KCNIP4: variants seen among roughly 807,000 people sequenced by gnomAD.
The protein encoded by KCNIP4 is potassium voltage-gated channel interacting protein 4, also known as Kv channel-interacting protein 4.
KCNIP4 carries 12 observed loss-of-function variants against 34.0 expected under a neutral mutation model. That is an observed-to-expected ratio of 0.35 (90% CI 0.23 to 0.57). KCNIP4 has a LOEUF of 0.57. KCNIP4 is among the 20% of genes least tolerant of loss of function. KCNIP4 has a pLI of 0.83. For synonymous variants in KCNIP4, 124 were observed against 102.2 expected, an observed-to-expected ratio of 1.21 and a Z score of -1.29; for missense variants, 238 against 311.7, an observed-to-expected ratio of 0.76 and a Z score of 1.78.
At chr4:21,177,161 C>T (rs1042436481) in intron 1 of KCNIP4, among the ~76,000 whole-genome samples, 5 of 152,148 alleles carry the variant, frequency 3.3e-5, no homozygotes, top group South Asian at 2.1e-4. Context: ...ATTCAAATCC[C>T]TGCATTGTGT....
At chr4:20,895,544 T>A (rs1577329808) in intron 1 of KCNIP4, among the ~76,000 whole-genome samples, 1 of 152,236 alleles carries the variant, frequency 6.6e-6, no homozygotes, top group Non-Finnish European at 1.5e-5. Flanking sequence ...TAATTTTTGA[T>A]GTGAGACAGT....
chr4:21,829,945 A>C (rs1050676379), intron 1 of KCNIP4, among the ~76,000 whole-genome samples: 2 of 152,180 alleles, frequency 1.3e-5, no homozygotes, highest in African/African-American at 4.8e-5. Flanking sequence ...AAAGATCTAT[A>C]AAACAACCAG....
In KCNIP4 at chr4:21,190,532, G is replaced by T. The variant is rs1004904924; in HGVS notation, c.62-307823C>A. ...GGGGGGGGGCACTGAGGGTGGGAGG[G>T]CAACTCCTATGTACCAGACATGGAA... On this transcript the variant is annotated intron_variant, in intron 1 of 8. Coordinates refer to ENST00000382152, the MANE Select transcript of KCNIP4 (RefSeq NM_025221.6). Among the ~76,000 whole-genome samples, 4 of 151,452 alleles carry T rather than the reference G, an allele frequency of 2.6e-5. No homozygotes were observed. In the East Asian group the frequency reaches 7.8e-4, roughly 30 times the overall value.
chr4:21,675,761 G>A (rs1749842820), intron 1 of KCNIP4, among the ~76,000 whole-genome samples: 1 of 152,108 alleles, frequency 6.6e-6, no homozygotes, highest in Admixed American at 6.6e-5. Flanking sequence ...GTAGTAACTT[G>A]AGGATGTCCA....
chr4:21,452,998 C>A (rs570073681), intron 1 of KCNIP4, among the ~76,000 whole-genome samples: 1 of 152,108 alleles, frequency 6.6e-6, no homozygotes, highest in Non-Finnish European at 1.5e-5. Flanking sequence ...AGTCTTGTGG[C>A]AACCCATAGT....
At chr4:20,802,801 C>T (rs901843688) in intron 3 of KCNIP4, among the ~76,000 whole-genome samples, 5 of 152,122 alleles carry the variant, frequency 3.3e-5, no homozygotes, top group Admixed American at 6.5e-5. Flanking sequence ...TGAAGCCGAG[C>T]GTGGTGGCTC....
At chr4:21,742,891 A>C (rs1716513036) in intron 1 of KCNIP4, among the ~76,000 whole-genome samples, 1 of 152,150 alleles carries the variant, frequency 6.6e-6, no homozygotes, top group African/African-American at 2.4e-5. Context: ...ATCTCGGGGT[A>C]GTGGGATAGA....
intron 1 of KCNIP4, chr4:21,843,675 T>C (rs1723830670): frequency 6.6e-6 from 1 of 152,052 alleles, no homozygotes; most frequent in Non-Finnish European, 1.5e-5. Context: ...ATTTTTCCAA[T>C]CACACTCCAT....
At chr4:20,748,025 A>G (rs996187897) in intron 5 of KCNIP4, among the ~76,000 whole-genome samples, 1 of 152,122 alleles carries the variant, frequency 6.6e-6, no homozygotes, top group African/African-American at 2.4e-5. Flanking sequence ...ACTGGAGTTC[A>G]GGCTTTTATC....
chr4:21,237,022 G>T (rs988135349), intron 1 of KCNIP4, among the ~76,000 whole-genome samples: 5 of 146,876 alleles, frequency 3.4e-5, no homozygotes, highest in Admixed American at 3.4e-4. Flanking sequence ...AAAAAAAAAA[G>T]ATATACATTC....
At chr4:20,749,238 C>A (rs1229320985) in intron 5 of KCNIP4, among the ~76,000 whole-genome samples, 1 of 151,852 alleles carries the variant, frequency 6.6e-6, no homozygotes, top group Non-Finnish European at 1.5e-5. Context: ...AATTGTCAGG[C>A]TGGTGAATGT....
At chr4:20,892,804 G>C (rs35724565) in intron 1 of KCNIP4, among the ~76,000 whole-genome samples, 2,224 of 152,294 alleles carry the variant, frequency 0.015, 27 homozygotes, top group South Asian at 0.021. Context: ...TGTACTGGCA[G>C]AACTAGCCAG....
chr4:21,766,469 C>T (rs528070988), intron 1 of KCNIP4, among the ~76,000 whole-genome samples: 2 of 152,252 alleles, frequency 1.3e-5, no homozygotes, highest in South Asian at 2.1e-4. Flanking sequence ...TTCCCCTTGC[C>T]TCCCCACAGT....
chr4:21,743,334 A>C (rs1560680988), intron 1 of KCNIP4, among the ~76,000 whole-genome samples: 2 of 151,592 alleles, frequency 1.3e-5, no homozygotes, highest in African/African-American at 4.8e-5. Flanking sequence ...GCCCCTGTTC[A>C]TCCTCAAAAC....
intron 1 of KCNIP4, among the ~76,000 whole-genome samples, chr4:20,897,082 G>A (rs1726624688): frequency 6.6e-6 from 1 of 152,074 alleles, no homozygotes; most frequent in African/African-American, 2.4e-5. Context: ...TTGAGGCTGA[G>A]CATTCACAAA....
chr4:21,512,164 GGGAGGGAGGAAGGAAGGAACGAAC>G (rs141006136), intron 1 of KCNIP4, among the ~76,000 whole-genome samples: 246 of 129,706 alleles, frequency 1.9e-3, no homozygotes, highest in South Asian at 5.2e-3. Flanking sequence ...GAGGGAGGGA[GGGAGGGAGGAAGGAAGGAACGAAC>G]GAAGGAACGA....
chr4:21,665,434 T>C (rs1748777350), intron 1 of KCNIP4, among the ~76,000 whole-genome samples: 1 of 152,006 alleles, frequency 6.6e-6, no homozygotes, highest in African/African-American at 2.4e-5. Context: ...AACCTAACTT[T>C]AAAAAGTAAT....
intron 1 of KCNIP4, among the ~76,000 whole-genome samples, chr4:21,898,076 G>A (rs915042632): frequency 4.6e-5 from 7 of 152,178 alleles, no homozygotes; most frequent in African/African-American, 7.2e-5. Context: ...GATGGAGGGA[G>A]CATCTAGACA....
chr4:21,032,950 A>G (rs1741143340), intron 1 of KCNIP4, among the ~76,000 whole-genome samples: 1 of 152,126 alleles, frequency 6.6e-6, no homozygotes, highest in South Asian at 2.1e-4. Context: ...GGAGTGGAAC[A>G]AGGTCTAAGG....
Sources: allele counts gnomAD v4.1 joint callset (sites outside exome capture counted in the v4.1 genomes callset), GRCh38; gene constraint gnomAD v4.1.1; transcripts MANE v1.5; gene names NCBI Gene and HGNC (gene_info 2026-07-23, HGNC 2026-07-21).